The following RBM19 variants were observed in gnomAD, a reference collection of about 807,000 sequenced individuals.
RBM19 encodes probable RNA-binding protein 19.
A neutral mutation model predicts 116.8 loss-of-function variants in RBM19; 94 were observed. The ratio of observed to expected loss-of-function variants is 0.80; its 90% CI spans 0.68 to 0.95. RBM19 has a LOEUF of 0.95. RBM19 is among the 40% of genes least tolerant of loss of function. RBM19 has a pLI of 0.00. For synonymous variants in RBM19, 475 were observed against 494.1 expected, an observed-to-expected ratio of 0.96 and a Z score of 0.51; for missense variants, 1,161 against 1,220.7, an observed-to-expected ratio of 0.95 and a Z score of 0.73.
At chr12:113,824,118 CACCTCCTGATTAGGT>C (rs1344740938) in intron 23 of RBM19, among the ~76,000 whole-genome samples, 2 of 152,148 alleles carry the variant, frequency 1.3e-5, no homozygotes, top group East Asian at 3.9e-4. Context: ...GCCCCACAAG[CACCTCCTGATTAGGT>C]ACCATCATGA....
At chr12:113,837,446 C>T (rs1439608039) in intron 23 of RBM19, among the ~76,000 whole-genome samples, 2 of 152,218 alleles carry the variant, frequency 1.3e-5, no homozygotes, top group South Asian at 2.1e-4. Flanking sequence ...CCATGAGGCC[C>T]CTCAACAATC....
chr12:113,821,569 C>T (rs1301671071), downstream of RBM19, among the ~76,000 whole-genome samples: 2 of 152,088 alleles, frequency 1.3e-5, no homozygotes, highest in African/African-American at 2.4e-5. Flanking sequence ...TGTTCAGCCC[C>T]CACATCCAGA....
At chr12:113,916,127 T>C (rs1882754511) in intron 20 of RBM19, among the ~76,000 whole-genome samples, 1 of 152,224 alleles carries the variant, frequency 6.6e-6, no homozygotes, top group African/African-American at 2.4e-5. Context: ...GAAGCAAAAC[T>C]AGGCTGGGCA....
At chr12:113,959,924 G>C (rs1166100395) in intron 3 of RBM19, 21 bp from the exon 4 acceptor site, 2 of 1,614,198 alleles carry the variant, frequency 1.2e-6, no homozygotes, top group East Asian at 2.2e-5. Context: ...AAGGCACAGA[G>C]AGTGAGGGTC....
At chr12:113,926,922 G>C (rs966686387) in intron 17 of RBM19, 132 bp downstream of exon 17, 4 of 1,038,546 alleles carry the variant, frequency 3.9e-6, no homozygotes, top group Non-Finnish European at 5.6e-6. Context: ...TCAAGTAGGT[G>C]GTGCTGGTTA....
chr12:113,843,696 G>A (rs553201890), intron 23 of RBM19, among the ~76,000 whole-genome samples: 1 of 152,328 alleles, frequency 6.6e-6, no homozygotes, highest in African/African-American at 2.4e-5. Flanking sequence ...CCCAAGTTTG[G>A]AGGGTGTGTA....
intron 23 of RBM19, among the ~76,000 whole-genome samples, chr12:113,843,819 GGCCCTGCTGACCTCATCT>G (rs1876714151): frequency 6.6e-6 from 1 of 152,176 alleles, no homozygotes; most frequent in African/African-American, 2.4e-5. Context: ...GAGAAGACGA[GGCCCTGCTGACCTCATCT>G]GCTCCCTCTC....
chr12:113,859,645 G>A (rs986632914), intron 21 of RBM19, among the ~76,000 whole-genome samples: 1 of 152,132 alleles, frequency 6.6e-6, no homozygotes, highest in African/African-American at 2.4e-5. Context: ...AAACCTTTGA[G>A]AAATTGTAGG....
intron 21 of RBM19, among the ~76,000 whole-genome samples, chr12:113,867,063 T>C (rs12296369): frequency 0.032 from 4,852 of 152,266 alleles, 163 homozygotes; most frequent in African/African-American, 0.081. Context: ...GGTTAGGTCT[T>C]GGGACAAGCA....
intron 21 of RBM19, among the ~76,000 whole-genome samples, chr12:113,914,682 C>T (rs769816995): frequency 2.0e-5 from 3 of 152,226 alleles, no homozygotes; most frequent in Non-Finnish European, 4.4e-5. Flanking sequence ...GGGCCCCTGC[C>T]CCTCTTGCAC....
intron 21 of RBM19, among the ~76,000 whole-genome samples, chr12:113,873,153 C>G (rs1879405164): frequency 3.3e-5 from 4 of 120,780 alleles, no homozygotes; most frequent in African/African-American, 1.2e-4. Context: ...GCCCCTCTGC[C>G]CGGCCACCAC....
chr12:113,927,541 T>G (rs1459461942), intron 16 of RBM19: 2 of 290,038 alleles, frequency 6.9e-6, no homozygotes, highest in Non-Finnish European at 1.3e-5. Flanking sequence ...CCATGTGAAC[T>G]GTTTTACTGA....
intron 23 of RBM19, among the ~76,000 whole-genome samples, chr12:113,837,246 T>TACACACAC (rs34948952): frequency 0.14 from 18,050 of 126,668 alleles, 1,675 homozygotes; most frequent in Non-Finnish European, 0.19. Context: ...ATCCTCCTAA[T>TACACACAC]ACACACACAC....
At chr12:113,859,893 G>C (rs75689922) in intron 21 of RBM19, among the ~76,000 whole-genome samples, 10,056 of 152,192 alleles carry the variant, frequency 0.066, 651 homozygotes, top group East Asian at 0.34. Flanking sequence ...GCCAAAGACT[G>C]ATTGGGTAAA....
chr12:113,936,582 G>C (rs911879358), intron 16 of RBM19, among the ~76,000 whole-genome samples: 3 of 152,202 alleles, frequency 2.0e-5, no homozygotes, highest in African/African-American at 7.2e-5. Context: ...TGGCCCCCAG[G>C]GGCCACGGCT....
At position 113,942,349 on chromosome 12, in the gene RBM19, C is replaced by T; in HGVS notation, c.1712G>A (p.Gly571Glu). 2 of 1,607,928 alleles carry T rather than the reference C, an allele frequency of 1.2e-6. No homozygotes were observed. Among genetic ancestry groups the T allele is most frequent in the African/African-American group, 1.3e-5 (1 of 75,010 alleles). The change falls in exon 14 of 24, where the codon GGG (glycine) becomes GAG (glutamate). Residue 571 changes from glycine to glutamate, a missense_variant. Coordinates refer to ENST00000261741, the MANE Select transcript of RBM19 (RefSeq NM_016196.4). ...CTGGCTGAAGGAATCCAGGCTGACCCCGTTGTCTATGAGAAAACGCCGCAC... is the reference window on the plus strand; with the variant it reads ...CTGGCTGAAGGAATCCAGGCTGACCTCGTTGTCTATGAGAAAACGCCGCAC... ...QEVRRFLIDNGVSLDSFSQAA... is the reference protein window; with the variant it reads ...QEVRRFLIDNEVSLDSFSQAA...
chr12:113,920,839 T>C, intron 18 of RBM19, 149 bp from the exon 19 acceptor site: 1 of 730,958 alleles, frequency 1.4e-6, no homozygotes, highest in Non-Finnish European at 2.3e-6. Flanking sequence ...GCACCTGGCT[T>C]GCTGTTTATC....
chr12:113,854,080 G>A (rs1877687483), intron 22 of RBM19, among the ~76,000 whole-genome samples: 1 of 152,064 alleles, frequency 6.6e-6, no homozygotes, highest in Admixed American at 6.5e-5. Flanking sequence ...CTGAATGCAA[G>A]CTTTGGAATT....
intron 23 of RBM19, among the ~76,000 whole-genome samples, chr12:113,841,422 CTTTTTTTTTT>C (rs71089416): frequency 6.9e-5 from 9 of 130,022 alleles, no homozygotes; most frequent in Admixed American, 6.4e-4. Flanking sequence ...TTTTTCTTTT[CTTTTTTTTTT>C]TTTTTTTTTG....
Sources: allele counts gnomAD v4.1 joint callset (sites outside exome capture counted in the v4.1 genomes callset), GRCh38; gene constraint gnomAD v4.1.1; transcripts MANE v1.5; gene names NCBI Gene and HGNC (gene_info 2026-07-23, HGNC 2026-07-21).